HTR2C: variants seen among roughly 807,000 people sequenced by gnomAD.
HTR2C encodes 5-hydroxytryptamine receptor 2C.
HTR2C carries 5 observed loss-of-function variants against 21.0 expected under a neutral mutation model. The observed-to-expected ratio is 0.24, with a 90% CI of 0.12 to 0.50. HTR2C has a LOEUF of 0.50. Ranked by LOEUF, HTR2C falls within the 20% of genes least tolerant of loss-of-function variation. The pLI, the probability that HTR2C is intolerant of heterozygous loss-of-function variation, is 0.98. For synonymous variants in HTR2C, 150 were observed against 145.3 expected (o/e 1.03, Z -0.23); for missense variants, 271 against 371.2 (o/e 0.73, Z 2.22).
intron 4 of HTR2C, among the ~76,000 whole-genome samples, chrX:114,830,592 TTTTA>T (rs1407440064): frequency 1.9e-5 from 2 of 107,093 alleles, no homozygotes; most frequent in African/African-American, 3.4e-5. Context: ...CTTTTTATTT[TTTTA>T]TTTATTTATT....
intron 4 of HTR2C, among the ~76,000 whole-genome samples, chrX:114,829,919 A>C (rs1194748383): frequency 9.0e-6 from 1 of 110,918 alleles, no homozygotes; most frequent in Admixed American, 9.7e-5. Context: ...GAGTCCTAAA[A>C]TTTTTTTCTC....
chrX:114,586,692 T>A (rs1927411800), intron 1 of HTR2C, among the ~76,000 whole-genome samples: 1 of 111,361 alleles, frequency 9.0e-6, no homozygotes, highest in African/African-American at 3.3e-5. Context: ...TCAGATAATG[T>A]AACAGGCTTT....
chrX:114,590,083 A>T (rs1429246641), intron 1 of HTR2C: 1 of 137,820 alleles, frequency 7.3e-6, no homozygotes, highest in Admixed American at 8.9e-5. Flanking sequence ...AAGTAATTTG[A>T]TAGCTATGAC....
chrX:114,809,147 G>A (rs1485429223), intron 4 of HTR2C, among the ~76,000 whole-genome samples: 6 of 111,148 alleles, frequency 5.4e-5, no homozygotes, highest in African/African-American at 1.6e-4. Flanking sequence ...GTCTGGAGTC[G>A]GTTACCTTAG....
intron 5 of HTR2C, among the ~76,000 whole-genome samples, chrX:114,881,534 G>A (rs2071181862): frequency 9.2e-6 from 1 of 108,560 alleles, no homozygotes; most frequent in Admixed American, 9.9e-5. Flanking sequence ...CAAGATAAGG[G>A]TATGATTTTA....
intron 2 of HTR2C, among the ~76,000 whole-genome samples, chrX:114,707,007 A>G (rs1932783771): frequency 9.0e-6 from 1 of 111,672 alleles, no homozygotes; most frequent in South Asian, 3.7e-4. Context: ...CCTATAGTTT[A>G]TTAAAAATAA....
At chrX:114,681,136 A>C (rs180817919) in intron 2 of HTR2C, among the ~76,000 whole-genome samples, 1,320 of 111,641 alleles carry the variant, frequency 0.012, 18 homozygotes, top group African/African-American at 0.041. Context: ...ATCTTATTTC[A>C]ATATTTAATA....
intron 2 of HTR2C, among the ~76,000 whole-genome samples, chrX:114,703,431 G>A (rs1258248972): frequency 2.2e-4 from 24 of 111,214 alleles, no homozygotes; most frequent in African/African-American, 7.8e-4. Context: ...CAACTACATG[G>A]AAACTGAACA....
At chrX:114,761,888 T>TATACATATATGTGTATATACAC (rs2069872948) in intron 4 of HTR2C, among the ~76,000 whole-genome samples, 1 of 12,283 alleles carries the variant, frequency 8.1e-5, no homozygotes, top group African/African-American at 1.3e-4. Context: ...TATATATATA[T>TATACATATATGTGTATATACAC]GTGTATATAT....
chrX:114,903,094 C>T (rs1234085911), intron 5 of HTR2C, among the ~76,000 whole-genome samples: 1 of 111,529 alleles, frequency 9.0e-6, no homozygotes, highest in African/African-American at 3.3e-5. Flanking sequence ...CAGACACCCC[C>T]CTAGGGTCCT....
At chrX:114,809,453 G>A (rs1289676315) in intron 4 of HTR2C, among the ~76,000 whole-genome samples, 1 of 105,621 alleles carries the variant, frequency 9.5e-6, no homozygotes, top group Non-Finnish European at 1.9e-5. Context: ...GCGCGATCTC[G>A]GGTCACTGCA....
chrX:114,866,490 T>C (rs1330281030), intron 5 of HTR2C, among the ~76,000 whole-genome samples: 1 of 110,694 alleles, frequency 9.0e-6, no homozygotes, highest in Non-Finnish European at 1.9e-5. Flanking sequence ...CATTTATCCT[T>C]TGAGTTAGAA....
At chrX:114,830,402 A>G (rs1200613071) in intron 4 of HTR2C, among the ~76,000 whole-genome samples, 1 of 110,998 alleles carries the variant, frequency 9.0e-6, no homozygotes, top group Admixed American at 9.6e-5. Flanking sequence ...TAATTCTTTT[A>G]TTGGTCATTG....
chrX:114,767,405 A>C (rs2069957235), intron 4 of HTR2C, among the ~76,000 whole-genome samples: 1 of 110,945 alleles, frequency 9.0e-6, no homozygotes, highest in South Asian at 3.7e-4. Context: ...ATTCTGTAGA[A>C]CAAAACTTTA....
intron 5 of HTR2C, among the ~76,000 whole-genome samples, chrX:114,897,611 G>A (rs1435209843): frequency 3.6e-5 from 4 of 111,513 alleles, no homozygotes; most frequent in Non-Finnish European, 7.5e-5. Context: ...ATGTGTCCAT[G>A]TGTTCTCATG....
rs1930035905 is a variant in HTR2C, at chrX:114,640,094, G to C, written c.-80+26213G>C. 4.5e-5 allele frequency among the ~76,000 whole-genome samples: 5 copies of C among 110,823 alleles called. No homozygotes were observed. In the South Asian group the frequency reaches 1.9e-3, roughly 41 times the overall value. Reference sequence around the variant, plus strand: ...AAATATAAATTTTCATACATTTTTTGTTCGACACATATTTATATAATACTT... The same window carrying C: ...AAATATAAATTTTCATACATTTTTTCTTCGACACATATTTATATAATACTT... On this transcript the variant is annotated intron_variant, in intron 2 of 5. Coordinates refer to ENST00000276198, the MANE Select transcript of HTR2C (RefSeq NM_000868.4).
chrX:114,626,113 G>A (rs1556402754), intron 2 of HTR2C, among the ~76,000 whole-genome samples: 1 of 110,218 alleles, frequency 9.1e-6, no homozygotes. Flanking sequence ...CGATTTGGTG[G>A]TTTTGATATT....
chrX:114,835,535 G>A (rs1305258168), intron 4 of HTR2C, among the ~76,000 whole-genome samples: 2 of 109,946 alleles, frequency 1.8e-5, no homozygotes, highest in Non-Finnish European at 3.8e-5. Flanking sequence ...GGTAGTTCTC[G>A]AGCCTTGGTT....
chrX:114,815,078 G>C (rs895209185), intron 4 of HTR2C, among the ~76,000 whole-genome samples: 4 of 106,082 alleles, frequency 3.8e-5, no homozygotes, highest in Non-Finnish European at 7.7e-5. Context: ...TCTTTTCCCT[G>C]CTAAAATATA....
Sources: gnomAD v4.1 joint callset for allele counts (sites outside exome capture counted in the v4.1 genomes callset) on GRCh38, gnomAD v4.1.1 for gene constraint, MANE v1.5 for transcripts, NCBI Gene and HGNC (gene_info 2026-07-23, HGNC 2026-07-21) for gene names.